The following GBP2 variants were observed in gnomAD, a reference collection of about 807,000 sequenced individuals.
GBP2 encodes guanylate-binding protein 2.
In GBP2, 54 loss-of-function variants were observed where a neutral mutation model predicts 60.8. The ratio of observed to expected loss-of-function variants is 0.89; its 90% confidence interval spans 0.71 to 1.11. The LOEUF (loss-of-function observed/expected upper bound fraction) is 1.11. GBP2 is among the 50% of genes most tolerant of loss of function. The pLI is 0.00. For synonymous variants in GBP2, 243 were observed against 256.5 expected, an observed-to-expected ratio of 0.95 and a Z score of 0.50; for missense variants, 665 against 703.3, an observed-to-expected ratio of 0.95 and a Z score of 0.62.
intron 8 of GBP2, among the ~76,000 whole-genome samples, chr1:89,110,483 A>G (rs57759386): frequency 6.6e-6 from 1 of 152,208 alleles, no homozygotes; most frequent in African/African-American, 2.4e-5. Flanking sequence ...TTTCATATAT[A>G]TGTAAAACAT....
At position 89,107,886 on chromosome 1, in the gene GBP2, G is replaced by T. The variant is rs2100609263; in HGVS notation, c.*289C>A. 7.5e-6 allele frequency: 2 copies of T among 267,646 alleles called. No homozygotes were observed. Among genetic ancestry groups the T allele is most frequent in the East Asian group, 2.3e-4 (2 of 8,582 alleles). The allele number at this position is 267,646 out of a possible 1,614,324, so 16.6% of individuals were successfully genotyped here. A position where few individuals can be genotyped will look rare whatever the true frequency, so the allele number is the denominator to read the frequency against. On this transcript the variant is annotated 3_prime_UTR_variant, in exon 11 of 11. Transcript: ENST00000370466. The stretch of plus-strand genomic sequence containing the variant: ...ATATCTCATTGGAAAATGCATCCTA[G>T]TTACACAATATCTCTCTTGAGTCCT...
Position 89,117,157 on chromosome 1 carries a change from C to T in GBP2, c.703G>A (p.Val235Ile), listed in dbSNP as rs199744522. 9.9e-6 allele frequency: 16 copies of T among 1,614,114 alleles called. No individual in the cohort carries two copies. The highest frequency in any genetic ancestry group is 4.5e-5 in the East Asian group (2 of 44,884). ...RKFFPKRKCF[V>I]FDWPAPKKYL... ...TTCTTAGGAGCGGGCCAATCGAAGA[C>T]GAAGCACTTCCTCTTGGGGAAGAAC... Residue 235 changes from valine to isoleucine, a missense_variant, in exon 6 of 11, where the codon GTC becomes ATC. By Grantham distance (29) the Val-to-Ile change is conservative (BLOSUM62 3). Coordinates refer to ENST00000370466, the MANE Select transcript of GBP2 (RefSeq NM_004120.5).
intron 6 of GBP2, 42 bp downstream of exon 6, chr1:89,116,950 G>A (rs1466592885): frequency 6.2e-7 from 1 of 1,607,422 alleles, no homozygotes; most frequent in Non-Finnish European, 8.5e-7. Flanking sequence ...ATGGGCAGAA[G>A]GAGAAAGTCC....
intron 4 of GBP2, chr1:89,119,270 T>C (rs1415418519): frequency 4.6e-5 from 7 of 152,164 alleles, no homozygotes. Context: ...GTAATGCTCC[T>C]AGAGAAATAA....
Position 89,126,044 on chromosome 1 carries a change from C to T in GBP2, c.-199G>A, listed in dbSNP as rs1378357751. Reference sequence around the variant, plus strand: ...CCTGGGGCTTCCTCCAACGTCCAGGCTCTGTCAATGTCAGAGACCTGACGA... The same window carrying T: ...CCTGGGGCTTCCTCCAACGTCCAGGTTCTGTCAATGTCAGAGACCTGACGA... On this transcript the variant is annotated 5_prime_UTR_variant, in exon 1 of 11. Coordinates refer to ENST00000370466, the MANE Select transcript of GBP2 (RefSeq NM_004120.5). The T allele has an allele frequency of 2.0e-5, 3 of 152,226 alleles. No individual in the cohort carries two copies. The highest frequency in any genetic ancestry group is 3.8e-4 in the East Asian group (2 of 5,200). The allele number at this position is 152,226 out of a possible 1,614,324, so 9.4% of individuals were successfully genotyped here. A position where few individuals can be genotyped will look rare whatever the true frequency, so the allele number is the denominator to read the frequency against.
intron 8 of GBP2, among the ~76,000 whole-genome samples, chr1:89,110,574 T>C (rs1570316214): frequency 6.6e-6 from 1 of 152,158 alleles, no homozygotes; most frequent in Non-Finnish European, 1.5e-5. Flanking sequence ...GCAACCTGGA[T>C]GGAACTGCAG....
Position 89,107,746 on chromosome 1 carries a change from C to T in GBP2, c.*429G>A, listed in dbSNP as rs1681083115. ...TCACATTTTCATCATATTCACAACA[C>T]TTCAGCCCTATGCTACGACCATAGT... On this transcript the variant is annotated 3_prime_UTR_variant, in exon 11 of 11. Transcript: ENST00000370466. Among the ~76,000 whole-genome samples the T allele has an allele frequency of 2.0e-5, 3 of 152,182 alleles. No homozygotes were observed. The highest frequency in any genetic ancestry group is 7.2e-5 in the African/African-American group (3 of 41,434).
chr1:89,117,124 C>T lies in GBP2; in HGVS notation c.736G>A (p.Ala246Thr), dbSNP rs137908444. The change falls in exon 6 of 11, where the codon GCT becomes ACT. Residue 246 changes from alanine (A) to threonine (T), a missense_variant. Ala to Thr is a moderately conservative substitution (Grantham distance 58). Coordinates refer to ENST00000370466, the MANE Select transcript of GBP2 (RefSeq NM_004120.5). ...TCCTCCTTTAGCTGCTCTAGGTGAG[C>T]AAGGTACTTCTTAGGAGCGGGCCAA... The part of the protein sequence containing the change: ...FDWPAPKKYL[A>T]HLEQLKEEEL... 41 of 1,614,040 alleles carry T rather than the reference C, an allele frequency of 2.5e-5. No individual in the cohort carries two copies. Among genetic ancestry groups the T allele is most frequent in the Non-Finnish European group, 3.0e-5 (35 of 1,180,026 alleles).
At chr1:89,111,186 C>T (rs1681157838) in intron 8 of GBP2, among the ~76,000 whole-genome samples, 1 of 152,164 alleles carries the variant, frequency 6.6e-6, no homozygotes, top group African/African-American at 2.4e-5. Context: ...GACAGACTCA[C>T]AGCTATTATC....
intron 2 of GBP2, 37 bp downstream of exon 2, chr1:89,121,740 G>C (rs1220579053): frequency 6.2e-7 from 1 of 1,601,122 alleles, no homozygotes; most frequent in African/African-American, 1.3e-5. Flanking sequence ...CGTGTGTACG[G>C]ACAGAAGGGG....
chr1:89,110,370 A>G lies in GBP2; in HGVS notation c.1363-104T>C. ...CCAGAGGAAAATAAGTCATTACACA[A>G]AAAAGATACTTGCATACGCATGTTT... On this transcript the variant is annotated intron_variant, in intron 8 of 10. Coordinates refer to ENST00000370466, the MANE Select transcript of GBP2 (RefSeq NM_004120.5). 3.6e-6 allele frequency: 3 copies of G among 837,600 alleles called. No homozygotes were observed. The South Asian group carries it at 4.5e-5, about 12-fold the overall frequency. The allele number at this position is 837,600 out of a possible 1,614,324, so 51.9% of individuals were successfully genotyped here.
Position 89,109,753 on chromosome 1 carries a change from T to A in GBP2, c.1583A>T (p.Gln528Leu), listed in dbSNP as rs1206519014. The A allele has an allele frequency of 6.2e-7, 1 of 1,614,026 alleles. No individual in the cohort carries two copies. The highest frequency in any genetic ancestry group is 1.3e-5 in the African/African-American group (1 of 74,948). ...GTCCCTCTCCATCTTCTCAGTCAAT[T>A]GTTTCACATGTTCCTGATAACTCTT... ...KEKSYQEHVK[Q>L]LTEKMERDRA... Residue 528 changes from glutamine to leucine, a missense_variant, in exon 10 of 11, where the codon CAA becomes CTA. Gln to Leu is a moderately radical substitution (Grantham distance 113, BLOSUM62 -2). Transcript: ENST00000370466.
intron 1 of GBP2, among the ~76,000 whole-genome samples, chr1:89,122,885 C>T (rs1681430850): frequency 6.6e-6 from 1 of 152,184 alleles, no homozygotes; most frequent in African/African-American, 2.4e-5. Context: ...ATTCCTTCTA[C>T]ATTTATTAGA....
intron 10 of GBP2, among the ~76,000 whole-genome samples, chr1:89,109,347 C>A (rs772815036): frequency 6.6e-6 from 1 of 152,166 alleles, no homozygotes; most frequent in Non-Finnish European, 1.5e-5. Context: ...ACTTACTGCT[C>A]ATGAGATTAT....
chr1:89,109,904 A>G, intron 9 of GBP2, 34 bp from the exon 10 acceptor site: 1 of 1,569,016 alleles, frequency 6.4e-7, no homozygotes, highest in Non-Finnish European at 8.7e-7. Flanking sequence ...AAAGATATGA[A>G]TATTCAATTG....
At chr1:89,113,406 C>T (rs1681205274) in intron 7 of GBP2, among the ~76,000 whole-genome samples, 1 of 152,176 alleles carries the variant, frequency 6.6e-6, no homozygotes, top group Non-Finnish European at 1.5e-5. Context: ...GGAAGGGTGA[C>T]AATTGCTGAC....
chr1:89,118,102 G>A, intron 4 of GBP2: 1 of 175,970 alleles, frequency 5.7e-6, no homozygotes. Context: ...AACGAACTGG[G>A]CAACTAGCTC....
intron 10 of GBP2, 42 bp downstream of exon 10, chr1:89,109,635 T>C (rs1006804296): frequency 6.4e-6 from 10 of 1,571,414 alleles, no homozygotes; most frequent in South Asian, 1.1e-5. Context: ...ATTTTCGATA[T>C]GGGGCACTGG....
intron 7 of GBP2, among the ~76,000 whole-genome samples, chr1:89,113,321 T>A (rs771837926): frequency 4.6e-5 from 7 of 152,254 alleles, no homozygotes; most frequent in Non-Finnish European, 8.8e-5. Context: ...GAAAGTCTCA[T>A]AGAACAGCAC....
Sources: allele counts gnomAD v4.1 joint callset (sites outside exome capture counted in the v4.1 genomes callset), GRCh38; gene constraint gnomAD v4.1.1; transcripts MANE v1.5; gene names NCBI Gene and HGNC (gene_info 2026-07-23, HGNC 2026-07-21).